VSIR: variants seen among roughly 807,000 people sequenced by gnomAD.
VSIR encodes the protein V-type immunoglobulin domain-containing suppressor of T-cell activation.
Under a neutral mutation model 31.0 loss-of-function variants are expected in VSIR, and 10 were observed. The observed-to-expected ratio is 0.32, with a 90% CI of 0.20 to 0.55. VSIR has a LOEUF of 0.55. VSIR is among the 20% of genes least tolerant of loss of function. VSIR has a pLI of 0.93. For synonymous variants in VSIR, 179 were observed against 180.1 expected (o/e 0.99, Z 0.05); for missense variants, 356 against 416.2 (o/e 0.86, Z 1.26).
chr10:71,753,912 T>C (rs1840068531), intron 4 of VSIR: 4 of 456,034 alleles, frequency 8.8e-6, no homozygotes, highest in Non-Finnish European at 1.8e-5. Flanking sequence ...TATTCCCTCA[T>C]CTCATCCTCT....
chr10:71,760,010 TACAC>T (rs1274523860), intron 3 of VSIR, among the ~76,000 whole-genome samples: 5 of 96,564 alleles, frequency 5.2e-5, no homozygotes, highest in African/African-American at 7.8e-5. Context: ...TACATATATA[TACAC>T]ACACACATAT....
chr10:71,767,285 A>C (rs12357473), intron 1 of VSIR, among the ~76,000 whole-genome samples: 7,516 of 152,240 alleles, frequency 0.049, 250 homozygotes, highest in Non-Finnish European at 0.077. Context: ...TGTATTTTTC[A>C]TGACAGGGCG....
In VSIR at chr10:71,749,266, C is replaced by T. The variant is rs1839931578; in HGVS notation, c.*1987G>A. 6.6e-6 allele frequency: 1 copy of T among 152,336 alleles called. No homozygotes were observed. Among genetic ancestry groups the T allele is most frequent in the South Asian group, 2.1e-4 (1 of 4,834 alleles). 9.4% of individuals were successfully genotyped at this position (152,336 alleles called of 1,614,324 possible). ...TGTCCCCACTCCTGCCATGCAGGCC[C>T]CCATGAATTGTGAAAAACATACCCT... On this transcript the variant is annotated 3_prime_UTR_variant, in exon 7 of 7. Coordinates refer to ENST00000394957, the MANE Select transcript of VSIR (RefSeq NM_022153.2).
chr10:71,761,980 G>A lies in VSIR; in HGVS notation c.129C>T (p.Val43=), dbSNP rs774132746. ...GGGTGACGTTCTGCCCCTCGGGACAGACATACAGGGAATACGGCGTGGCGA... is the reference window on the plus strand; with the variant it reads ...GGGTGACGTTCTGCCCCTCGGGACAAACATACAGGGAATACGGCGTGGCGA... ...FKVATPYSLY[V]CPEGQNVTLT... is the part of the protein sequence containing the mutation. Residue 43 remains valine (V), a synonymous_variant, in exon 2 of 7, where the codon GTC becomes GTT. Coordinates refer to ENST00000394957, the MANE Select transcript of VSIR (RefSeq NM_022153.2). The A allele has an allele frequency of 6.2e-7, 1 of 1,613,338 alleles. No individual in the cohort carries two copies. The highest frequency in any genetic ancestry group is 1.1e-5 in the South Asian group (1 of 91,068).
chr10:71,761,159 C>T (rs1171069513), intron 2 of VSIR, among the ~76,000 whole-genome samples: 1 of 152,194 alleles, frequency 6.6e-6, no homozygotes, highest in African/African-American at 2.4e-5. Context: ...GTGCCCACAC[C>T]TCTATCCGAA....
intron 5 of VSIR, chr10:71,752,181 T>C (rs1564775229): frequency 1.1e-5 from 5 of 474,732 alleles, no homozygotes; most frequent in Middle Eastern, 3.0e-4. Flanking sequence ...CCTCAGGAAT[T>C]TGGGGACAAG....
chr10:71,763,740 C>A (rs1024289205), intron 1 of VSIR, among the ~76,000 whole-genome samples: 5 of 152,206 alleles, frequency 3.3e-5, no homozygotes, highest in African/African-American at 9.7e-5. Flanking sequence ...AAGTGCCATG[C>A]GAGTAGTCGG....
rs200969603 is a variant in VSIR, at chr10:71,760,092, TAC to T, written c.568+774_568+775del. The stretch of plus-strand genomic sequence containing the variant: ...ACACACATATATATACACACACATA[TAC>T]ACACACACATACATACATATATGTG... On this transcript the variant is annotated intron_variant, in intron 3 of 6. Transcript: ENST00000394957. 1.5e-3 allele frequency among the ~76,000 whole-genome samples: 187 copies of T among 128,036 alleles called. 39 individuals are homozygous for T. The highest frequency in any genetic ancestry group is 4.9e-3 in the African/African-American group (171 of 34,820). The allele number at this position is 128,036 out of a possible 152,430, so 84.0% of individuals were successfully genotyped here.
At chr10:71,772,300 C>T (rs980973272) in intron 1 of VSIR, among the ~76,000 whole-genome samples, 1 of 152,128 alleles carries the variant, frequency 6.6e-6, no homozygotes, top group Non-Finnish European at 1.5e-5. Context: ...ATCACCCTCT[C>T]CTTCTATTCC....
At chr10:71,767,777 C>T (rs568522873) in intron 1 of VSIR, among the ~76,000 whole-genome samples, 1 of 152,328 alleles carries the variant, frequency 6.6e-6, no homozygotes, top group South Asian at 2.1e-4. Context: ...TGATACCTGC[C>T]CCCGCAGGAA....
In VSIR at chr10:71,751,700, G is replaced by A. The variant is rs1316889457; in HGVS notation, c.866C>T (p.Pro289Leu). The change falls in exon 6 of 7, where the codon CCA (proline) becomes CTA (leucine). Residue 289 changes from proline to leucine, a missense_variant. By Grantham distance (98) the Pro-to-Leu change is moderately conservative (BLOSUM62 -3). Coordinates refer to ENST00000394957, the MANE Select transcript of VSIR (RefSeq NM_022153.2). The surrounding 1 kb of genome is among the most constrained non-coding windows in gnomAD (Gnocchi z 4.9). The part of the protein sequence containing the change: ...LSEPSTPLSP[P>L]GPGDVFFPSL... ...TGGGAAGAAGACGTCTCCGGGGCCT[G>A]GAGGAGACAGGGGGGTGCTGGGCTC... 1 of 1,554,542 alleles carries A rather than the reference G, an allele frequency of 6.4e-7. No homozygotes were observed. The highest frequency in any genetic ancestry group is 2.3e-5 in the East Asian group (1 of 44,316).
chr10:71,772,353 C>T (rs1840704988), intron 1 of VSIR, among the ~76,000 whole-genome samples: 1 of 152,238 alleles, frequency 6.6e-6, no homozygotes, highest in South Asian at 2.1e-4. Flanking sequence ...CCACCTCCCT[C>T]CTGCCTCCCT....
Position 71,761,911 on chromosome 10 carries a change from C to T in VSIR, c.198G>A (p.Val66=). The T allele has an allele frequency of 6.2e-7, 1 of 1,614,078 alleles. No individual in the cohort carries two copies. Among genetic ancestry groups the T allele is most frequent in the Non-Finnish European group, 8.5e-7 (1 of 1,180,034 alleles). The change falls in exon 2 of 7, where the codon GTG becomes GTA. Residue 66 remains valine, a synonymous_variant. Transcript: ENST00000394957. ...LLGPVDKGHD[V]TFYKTWYRSS... is the part of the protein sequence containing the mutation. ...TGCGGTACCACGTCTTGTAGAAGGT[C>T]ACATCGTGCCCTTTGTCCACAGGGC...
chr10:71,753,760 G>C (rs1840064891), intron 4 of VSIR: 2 of 456,392 alleles, frequency 4.4e-6, no homozygotes, highest in East Asian at 6.9e-5. Context: ...TGCTGATTAC[G>C]ATGGGGAAAC....
intron 1 of VSIR, among the ~76,000 whole-genome samples, chr10:71,766,358 C>T (rs1036490343): frequency 9.9e-5 from 15 of 152,124 alleles, no homozygotes; most frequent in Admixed American, 3.3e-4. Flanking sequence ...CCAGGCCCCC[C>T]GCCCGCCACC....
At chr10:71,772,093 TCTC>T (rs1375836015) in intron 1 of VSIR, among the ~76,000 whole-genome samples, 2 of 152,020 alleles carry the variant, frequency 1.3e-5, no homozygotes, top group Non-Finnish European at 2.9e-5. Context: ...CACCTCCCAT[TCTC>T]CTCCTCCCTC....
At chr10:71,759,516 A>G (rs1840240105) in intron 3 of VSIR, among the ~76,000 whole-genome samples, 1 of 151,814 alleles carries the variant, frequency 6.6e-6, no homozygotes, top group Non-Finnish European at 1.5e-5. Flanking sequence ...CAAAAAAAAA[A>G]AAAATTCCTG....
chr10:71,773,196 A>T (rs1589413204), intron 1 of VSIR, among the ~76,000 whole-genome samples, 162 bp downstream of exon 1: 1 of 152,168 alleles, frequency 6.6e-6, no homozygotes, highest in Admixed American at 6.5e-5. Flanking sequence ...TTGCCACTGC[A>T]CCCTGCCTAG....
At position 71,773,460 on chromosome 10, in the gene VSIR, G is replaced by A; in HGVS notation, c.-21C>T. On this transcript the variant is annotated 5_prime_UTR_variant, in exon 1 of 7. Transcript: ENST00000394957. ...CCCATGTCGCCGTCGGACGCGCAGA[G>A]GAACTTCTGGTGCCGGGGAGCGGGC... 6.3e-7 allele frequency: 1 copy of A among 1,577,804 alleles called. No homozygotes were observed. Among genetic ancestry groups the A allele is most frequent in the East Asian group, 2.3e-5 (1 of 43,208 alleles).
Sources: gnomAD v4.1 joint callset for allele counts (sites outside exome capture counted in the v4.1 genomes callset) on GRCh38, gnomAD v4.1.1 for gene constraint, Gnocchi (gnomAD v3.1) non-coding constraint, MANE v1.5 for transcripts, NCBI Gene and HGNC (gene_info 2026-07-23, HGNC 2026-07-21) for gene names.